Variants in PPHLN1 observed in about 807,000 individuals in gnomAD.
The protein encoded by PPHLN1 is periphilin 1.
PPHLN1 carries 29 observed loss-of-function variants against 51.3 expected under a neutral mutation model. The observed-to-expected ratio is 0.57, with a 90% CI of 0.42 to 0.77. PPHLN1 has a LOEUF of 0.77. Ranked by LOEUF, PPHLN1 falls within the 30% of genes least tolerant of loss-of-function variation. PPHLN1 has a pLI of 0.00. For synonymous variants in PPHLN1, 147 were observed against 147.8 expected (o/e 0.99, Z 0.04); for missense variants, 436 against 438.4 (o/e 0.99, Z 0.05).
At chr12:42,377,953 T>C (rs1353204461) in intron 5 of PPHLN1, among the ~76,000 whole-genome samples, 1 of 152,162 alleles carries the variant, frequency 6.6e-6, no homozygotes, top group Non-Finnish European at 1.5e-5. Context: ...TATCCTTCAC[T>C]CATCCTTTGA....
chr12:42,429,258 G>T (rs766229144), intron 9 of PPHLN1, among the ~76,000 whole-genome samples: 4 of 151,972 alleles, frequency 2.6e-5, no homozygotes, highest in Admixed American at 1.3e-4. Context: ...GAATACATTG[G>T]TTTTTTTCCT....
rs182508436 is a variant in PPHLN1, at chr12:42,396,494, A to G, written c.769-2360A>G. Among the ~76,000 whole-genome samples the G allele has an allele frequency of 1.7e-3, 261 of 152,066 alleles. 3 individuals are homozygous for G. The highest frequency in any genetic ancestry group is 6.8e-3 in the Middle Eastern group (2 of 294). ...TGAGAGTTTTCTTTTGGTTGTCAGAATGAAAAGAAAATTGTTTGAAGGATA... is the reference window on the plus strand; with the variant it reads ...TGAGAGTTTTCTTTTGGTTGTCAGAGTGAAAAGAAAATTGTTTGAAGGATA... On this transcript the variant is annotated intron_variant, in intron 8 of 9. Transcript: ENST00000358314.
In PPHLN1 at chr12:42,426,570, A is replaced by G. The variant is rs116558699; in HGVS notation, c.910-14745A>G. Reference sequence around the variant, plus strand: ...AGGATTCTGGTACATAAAATAATACAAAGGTCTATATGAAAATGTTAAGTT... The same window carrying G: ...AGGATTCTGGTACATAAAATAATACGAAGGTCTATATGAAAATGTTAAGTT... On this transcript the variant is annotated intron_variant, in intron 9 of 9. Transcript: ENST00000358314. 6.4e-3 allele frequency among the ~76,000 whole-genome samples: 980 copies of G among 152,350 alleles called. 9 individuals carry two copies. The highest frequency in any genetic ancestry group is 0.023 in the African/African-American group (938 of 41,572).
At chr12:42,402,446 C>CTTA (rs1181381769) in intron 9 of PPHLN1, among the ~76,000 whole-genome samples, 2 of 152,114 alleles carry the variant, frequency 1.3e-5, no homozygotes, top group Non-Finnish European at 2.9e-5. Context: ...TCTAAATCTA[C>CTTA]TTAATATATT....
At chr12:42,373,222 T>G (rs1368554209) in intron 4 of PPHLN1, among the ~76,000 whole-genome samples, 1 of 152,212 alleles carries the variant, frequency 6.6e-6, no homozygotes, top group Admixed American at 6.5e-5. Context: ...TAAAACCTGT[T>G]TATTTAATAC....
intron 9 of PPHLN1, among the ~76,000 whole-genome samples, chr12:42,423,587 A>G (rs2081183770): frequency 1.3e-5 from 2 of 152,304 alleles, no homozygotes; most frequent in Middle Eastern, 3.4e-3. Context: ...CTGAAAGCAG[A>G]TACATTATTC....
intron 4 of PPHLN1, among the ~76,000 whole-genome samples, chr12:42,360,001 G>C (rs1208180722): frequency 6.6e-6 from 1 of 151,616 alleles, no homozygotes; most frequent in African/African-American, 2.4e-5. Context: ...CCAGCTACTC[G>C]GGAGGCTGAA....
intron 9 of PPHLN1, among the ~76,000 whole-genome samples, chr12:42,439,978 A>C (rs952061296): frequency 6.6e-6 from 1 of 151,972 alleles, no homozygotes; most frequent in African/African-American, 2.4e-5. Flanking sequence ...CATTGAGACT[A>C]TATTGAAATT....
intron 8 of PPHLN1, among the ~76,000 whole-genome samples, chr12:42,397,075 T>C (rs1292343770): frequency 6.6e-6 from 1 of 151,988 alleles, no homozygotes; most frequent in Non-Finnish European, 1.5e-5. Flanking sequence ...ACAGGTCACT[T>C]CCTGCTGTAG....
intron 9 of PPHLN1, among the ~76,000 whole-genome samples, chr12:42,411,612 T>C (rs1230736475): frequency 1.3e-5 from 2 of 152,066 alleles, no homozygotes; most frequent in East Asian, 3.9e-4. Context: ...ATTCAATAAA[T>C]AGGTTTTTTA....
intron 5 of PPHLN1, among the ~76,000 whole-genome samples, chr12:42,382,543 G>A (rs1284353818): frequency 1.3e-5 from 2 of 152,192 alleles, no homozygotes; most frequent in Non-Finnish European, 2.9e-5. Flanking sequence ...AGATGAATTT[G>A]AGGTAATGGC....
chr12:42,397,455 GT>G (rs796568118), intron 8 of PPHLN1, among the ~76,000 whole-genome samples: 3 of 151,890 alleles, frequency 2.0e-5, no homozygotes, highest in Non-Finnish European at 4.4e-5. Flanking sequence ...TTAACTGTCA[GT>G]TTTTTTTCCC....
chr12:42,393,605 A>G lies in PPHLN1; in HGVS notation c.684A>G (p.Glu228=). Residue 228 remains glutamate (E), a synonymous_variant, in exon 8 of 10, where the codon GAA becomes GAG. Transcript: ENST00000358314. ...AACCCAGTAGGCTAACTGAAAAGGA[A>G]CTTGCTGAGGCTGCAAGCAAGTGGG... ...LDKPSRLTEK[E]LAEAASKWAA... The G allele has an allele frequency of 6.2e-7, 1 of 1,610,258 alleles. No individual in the cohort carries two copies. The highest frequency in any genetic ancestry group is 8.5e-7 in the Non-Finnish European group (1 of 1,178,580).
rs779436429 is a variant in PPHLN1, at chr12:42,393,550, A to G, written c.649-20A>G. The G allele has an allele frequency of 6.4e-7, 1 of 1,564,404 alleles. No homozygotes were observed. Among genetic ancestry groups the G allele is most frequent in the East Asian group, 2.3e-5 (1 of 43,576 alleles). On this transcript the variant is annotated intron_variant, in intron 7 of 9. Coordinates refer to ENST00000358314, the MANE Select transcript of PPHLN1 (RefSeq NM_201439.2). ...TAAAAGCCCTTGAGAATTGTAACAG[A>G]AATGTTCTATTTTTATTAGGTGTTA...
intron 4 of PPHLN1, among the ~76,000 whole-genome samples, chr12:42,365,001 G>T (rs186750362): frequency 1.3e-5 from 2 of 152,268 alleles, no homozygotes; most frequent in East Asian, 3.9e-4. Flanking sequence ...ACTTTTTCTA[G>T]AATGCTTTTA....
Position 42,332,700 on chromosome 12 carries a change from C to T in PPHLN1, c.-20-3183C>T, listed in dbSNP as rs372723745. The T allele has an allele frequency of 2.6e-6, 4 of 1,527,078 alleles. No individual in the cohort carries two copies. The Middle Eastern group carries it at 6.4e-4, about 243-fold the overall frequency. The allele number at this position is 1,527,078 out of a possible 1,614,324, so 94.6% of individuals were successfully genotyped here. On this transcript the variant is annotated intron_variant, in intron 1 of 9. Coordinates refer to ENST00000358314, the MANE Select transcript of PPHLN1 (RefSeq NM_201439.2). Reference sequence around the variant, plus strand: ...GTTAAATTTGATTCCTAAAAGGACTCAAGTAAGTATAGTATAGTAGTATTT... The same window carrying T: ...GTTAAATTTGATTCCTAAAAGGACTTAAGTAAGTATAGTATAGTAGTATTT...
downstream of PPHLN1, chr12:42,442,917 A>C (rs962843773): frequency 3.6e-5 from 37 of 1,023,978 alleles, no homozygotes; most frequent in African/African-American, 5.3e-4. Flanking sequence ...CCCAGTGCAA[A>C]CTGTTGTTTC....
At chr12:42,341,921 G>A (rs1482692316) in intron 2 of PPHLN1, among the ~76,000 whole-genome samples, 2 of 152,118 alleles carry the variant, frequency 1.3e-5, no homozygotes, top group African/African-American at 2.4e-5. Flanking sequence ...GCGCCCAGGC[G>A]CTTTTAAATT....
intron 5 of PPHLN1, among the ~76,000 whole-genome samples, chr12:42,380,991 A>C (rs2076711762): frequency 6.6e-6 from 1 of 152,204 alleles, no homozygotes; most frequent in African/African-American, 2.4e-5. Flanking sequence ...AAGTAATTAA[A>C]TAGGAATAAA....
Sources: allele counts gnomAD v4.1 joint callset (sites outside exome capture counted in the v4.1 genomes callset), GRCh38; gene constraint gnomAD v4.1.1; transcripts MANE v1.5; gene names NCBI Gene and HGNC (gene_info 2026-07-23, HGNC 2026-07-21).